The following KCND2 variants were observed in gnomAD, a reference collection of about 807,000 sequenced individuals.
The protein encoded by KCND2 is A-type voltage-gated potassium channel KCND2.
Under a neutral mutation model 54.4 loss-of-function variants are expected in KCND2, and 16 were observed. The ratio of observed to expected loss-of-function variants is 0.29; its 90% CI spans 0.20 to 0.45. The LOEUF is 0.45. Ranked by LOEUF, KCND2 falls within the 20% of genes least tolerant of loss-of-function variation. KCND2 has a pLI of 1.00. For synonymous variants in KCND2, 317 were observed against 310.7 expected, an observed-to-expected ratio of 1.02 and a Z score of -0.21; for missense variants, 486 against 824.2, an observed-to-expected ratio of 0.59 and a Z score of 5.02.
chr7:120,334,253 A>C (rs1395895535), intron 1 of KCND2, among the ~76,000 whole-genome samples: 1 of 152,150 alleles, frequency 6.6e-6, no homozygotes, highest in Admixed American at 6.5e-5. Flanking sequence ...AAGTGTTGAG[A>C]TGTTTGGGTT....
chr7:120,496,906 A>G (rs1411767628), intron 1 of KCND2, among the ~76,000 whole-genome samples: 3 of 152,216 alleles, frequency 2.0e-5, no homozygotes, highest in Non-Finnish European at 2.9e-5. Context: ...CTCATGCTGT[A>G]CTACCTACTA....
At chr7:120,628,517 T>A (rs1274137176) in intron 1 of KCND2, among the ~76,000 whole-genome samples, 1 of 152,128 alleles carries the variant, frequency 6.6e-6, no homozygotes, top group East Asian at 1.9e-4. Context: ...GTAATCCTAA[T>A]TTTTCAATGA....
intron 1 of KCND2, among the ~76,000 whole-genome samples, chr7:120,534,043 A>G (rs1363582436): frequency 6.6e-6 from 1 of 151,980 alleles, no homozygotes; most frequent in African/African-American, 2.4e-5. Context: ...GAAAATGGAT[A>G]TTAGGAATTT....
intron 1 of KCND2, among the ~76,000 whole-genome samples, chr7:120,372,383 A>G (rs1315897501): frequency 1.3e-5 from 2 of 151,908 alleles, no homozygotes; most frequent in Non-Finnish European, 2.9e-5. Context: ...ATTCTCTCAT[A>G]AACGGTTTCA....
chr7:120,539,389 T>C lies in KCND2; in HGVS notation c.1116-193514T>C, dbSNP rs192488716. 1.7e-3 allele frequency among the ~76,000 whole-genome samples: 256 copies of C among 152,324 alleles called. 1 individual carries two copies. Among genetic ancestry groups the C allele is most frequent in the African/African-American group, 5.8e-3 (242 of 41,586 alleles). On this transcript the variant is annotated intron_variant, in intron 1 of 5. Transcript: ENST00000331113. ...GCTTTGGGGCTTATGGTCAGTTTGCTGATTTCTTGCAAGGATATCAATGTC... is the reference window on the plus strand; with the variant it reads ...GCTTTGGGGCTTATGGTCAGTTTGCCGATTTCTTGCAAGGATATCAATGTC...
At chr7:120,478,242 G>T (rs1325960504) in intron 1 of KCND2, among the ~76,000 whole-genome samples, 9 of 152,080 alleles carry the variant, frequency 5.9e-5, no homozygotes. Context: ...TTGCACTAAA[G>T]TATACTAGAA....
chr7:120,414,789 C>T (rs764377891), intron 1 of KCND2, among the ~76,000 whole-genome samples: 10 of 152,270 alleles, frequency 6.6e-5, no homozygotes, highest in Non-Finnish European at 1.2e-4. Context: ...GAAATATCCA[C>T]ATTTAATTAT....
chr7:120,575,711 G>C (rs2116433379), intron 1 of KCND2, among the ~76,000 whole-genome samples: 1 of 152,304 alleles, frequency 6.6e-6, no homozygotes, highest in African/African-American at 2.4e-5. Context: ...GCTTACTTAA[G>C]TTTTGGGTGC....
chr7:120,505,960 A>T (rs1220836685), intron 1 of KCND2, among the ~76,000 whole-genome samples: 1 of 151,484 alleles, frequency 6.6e-6, no homozygotes, highest in African/African-American at 2.4e-5. Context: ...TTTATTATTT[A>T]ATTTAATGTT....
intron 1 of KCND2, among the ~76,000 whole-genome samples, chr7:120,620,379 A>G (rs941823327): frequency 6.6e-6 from 1 of 152,198 alleles, no homozygotes; most frequent in Non-Finnish European, 1.5e-5. Flanking sequence ...GTTCACTGCT[A>G]TATCTTTAGT....
At chr7:120,502,676 G>A (rs771643276) in intron 1 of KCND2, among the ~76,000 whole-genome samples, 43 of 151,936 alleles carry the variant, frequency 2.8e-4, no homozygotes, top group Non-Finnish European at 5.0e-4. Flanking sequence ...ATTGCCACAC[G>A]TCGGCTACTC....
At chr7:120,533,752 T>G (rs1791869956) in intron 1 of KCND2, among the ~76,000 whole-genome samples, 1 of 152,100 alleles carries the variant, frequency 6.6e-6, no homozygotes, top group Admixed American at 6.6e-5. Context: ...GATTCCACAG[T>G]TTTTTCCTTG....
chr7:120,659,942 C>G (rs950626979), intron 1 of KCND2, among the ~76,000 whole-genome samples: 3 of 152,112 alleles, frequency 2.0e-5, no homozygotes, highest in Non-Finnish European at 4.4e-5. Flanking sequence ...GAAAATATAG[C>G]AGGAAAGATT....
In KCND2 at chr7:120,351,627, G is replaced by A. The variant is rs75961778; in HGVS notation, c.1115+75880G>A. ...GGACTTCATATAATTTATTTTCAAC[G>A]TTTATATAAATGTAGACCTGGTAGG... On this transcript the variant is annotated intron_variant, in intron 1 of 5. Coordinates refer to ENST00000331113, the MANE Select transcript of KCND2 (RefSeq NM_012281.3). 6.4e-3 allele frequency among the ~76,000 whole-genome samples: 969 copies of A among 151,904 alleles called. 4 individuals are homozygous for A. Among genetic ancestry groups the A allele is most frequent in the African/African-American group, 0.021 (877 of 41,426 alleles).
At chr7:120,477,655 G>C (rs538834956) in intron 1 of KCND2, among the ~76,000 whole-genome samples, 6 of 152,020 alleles carry the variant, frequency 3.9e-5, no homozygotes, top group Non-Finnish European at 8.8e-5. Context: ...AAAAAGAAGA[G>C]GGGGAAAGAG....
chr7:120,571,135 C>A (rs970430682), intron 1 of KCND2, among the ~76,000 whole-genome samples: 1 of 152,142 alleles, frequency 6.6e-6, no homozygotes, highest in African/African-American at 2.4e-5. Flanking sequence ...CAGCTGCACA[C>A]ATTCTGATAC....
intron 1 of KCND2, among the ~76,000 whole-genome samples, chr7:120,543,882 C>T (rs1314955189): frequency 6.6e-6 from 1 of 151,958 alleles, no homozygotes; most frequent in Non-Finnish European, 1.5e-5. Context: ...CTGATAAGAA[C>T]CCAAATTTTC....
At chr7:120,446,755 G>T (rs572334327) in intron 1 of KCND2, among the ~76,000 whole-genome samples, 6 of 152,272 alleles carry the variant, frequency 3.9e-5, no homozygotes, top group African/African-American at 1.2e-4. Flanking sequence ...TCTTGTTATA[G>T]GGGAAGGCGG....
chr7:120,574,246 A>T (rs771399854), intron 1 of KCND2, among the ~76,000 whole-genome samples: 13 of 152,324 alleles, frequency 8.5e-5, no homozygotes, highest in Non-Finnish European at 1.9e-4. Flanking sequence ...AGTTAAATGT[A>T]TTTTGGGTGT....
Sources: gnomAD v4.1 joint callset for allele counts (sites outside exome capture counted in the v4.1 genomes callset) on GRCh38, gnomAD v4.1.1 for gene constraint, MANE v1.5 for transcripts, NCBI Gene and HGNC (gene_info 2026-07-23, HGNC 2026-07-21) for gene names.